Variants in RGS6 observed in about 807,000 individuals in gnomAD.
RGS6 encodes the protein regulator of G-protein signaling 6.
Under a neutral mutation model 78.5 loss-of-function variants are expected in RGS6, and 30 were observed. That is an observed-to-expected ratio of 0.38 (90% CI 0.29 to 0.52). The LOEUF is 0.52. Ranked by LOEUF, RGS6 falls within the 20% of genes least tolerant of loss-of-function variation. The probability of loss-of-function intolerance (pLI) is 0.85; values close to 1 mark genes in which losing one functional copy is unlikely to be tolerated. For missense variants in RGS6, 495 were observed against 609.7 expected (o/e 0.81, Z 1.98); for synonymous variants, 206 against 206.0 (o/e 1.00, Z 0.00).
intron 12 of RGS6, among the ~76,000 whole-genome samples, chr14:72,487,953 C>T (rs778520181): frequency 2.0e-5 from 3 of 152,146 alleles, no homozygotes; most frequent in Non-Finnish European, 2.9e-5. Context: ...CCGAGCACCC[C>T]GCTGACTAGG....
At chr14:72,528,533 G>T (rs965847237) in intron 15 of RGS6, among the ~76,000 whole-genome samples, 1 of 152,176 alleles carries the variant, frequency 6.6e-6, no homozygotes, top group Non-Finnish European at 1.5e-5. Flanking sequence ...TTTGGAGGAG[G>T]TGCCTCTCCA....
intron 13 of RGS6, among the ~76,000 whole-genome samples, chr14:72,499,645 T>G (rs2096693999): frequency 6.6e-6 from 1 of 152,116 alleles, no homozygotes; most frequent in African/African-American, 2.4e-5. Context: ...CTGTGTTTAG[T>G]TTTTTTGGGG....
At chr14:72,268,296 G>A (rs2059384906) in intron 2 of RGS6, among the ~76,000 whole-genome samples, 3 of 152,228 alleles carry the variant, frequency 2.0e-5, no homozygotes, top group Admixed American at 2.0e-4. Context: ...TTAAAGGTAT[G>A]GTATTGGGAG....
At chr14:72,253,183 A>G (rs1324367877) in intron 2 of RGS6, among the ~76,000 whole-genome samples, 1 of 152,268 alleles carries the variant, frequency 6.6e-6, no homozygotes, top group Non-Finnish European at 1.5e-5. Context: ...TGTAAGAGCC[A>G]TCATGTGACT....
chr14:71,950,243 T>C (rs1449566848), intron 1 of RGS6, among the ~76,000 whole-genome samples: 1 of 152,126 alleles, frequency 6.6e-6, no homozygotes, highest in African/African-American at 2.4e-5. Context: ...CATAGACCAA[T>C]GGAACAGAAT....
intron 12 of RGS6, among the ~76,000 whole-genome samples, chr14:72,485,359 T>C (rs2096467840): frequency 6.6e-6 from 1 of 152,200 alleles, no homozygotes; most frequent in South Asian, 2.1e-4. Flanking sequence ...TTCTTCTCCC[T>C]TTTTGCTTCT....
At chr14:71,899,608 A>T in the RGS6 span, among the ~76,000 whole-genome samples, 21 of 152,368 alleles carry the variant, frequency 1.4e-4, no homozygotes, top group African/African-American at 4.1e-4. Flanking sequence ...GGCCTAAACC[A>T]ATCAATATGT....
At chr14:72,285,775 C>G (rs1293979925) in intron 2 of RGS6, among the ~76,000 whole-genome samples, 1 of 152,076 alleles carries the variant, frequency 6.6e-6, no homozygotes, top group Non-Finnish European at 1.5e-5. Flanking sequence ...CAATGTTGAC[C>G]AACTTTTCAT....
chr14:72,455,968 T>C (rs1415514543), intron 4 of RGS6, among the ~76,000 whole-genome samples: 1 of 152,206 alleles, frequency 6.6e-6, no homozygotes, highest in Non-Finnish European at 1.5e-5. Flanking sequence ...ATTATTACTA[T>C]TATGAGAACC....
At chr14:71,928,543 T>C (rs531432385), upstream of RGS6, among the ~76,000 whole-genome samples, 1 of 152,304 alleles carries the variant, frequency 6.6e-6, no homozygotes, top group East Asian at 1.9e-4. Context: ...ACGCAATAGT[T>C]TTCTACCTTG....
chr14:72,119,872 C>G (rs1460756034), intron 2 of RGS6, among the ~76,000 whole-genome samples: 1 of 152,160 alleles, frequency 6.6e-6, no homozygotes, highest in Non-Finnish European at 1.5e-5. Context: ...AAAAGAAAAG[C>G]CTGAAACCTT....
chr14:72,232,354 G>A (rs989527017), intron 2 of RGS6, among the ~76,000 whole-genome samples: 1 of 152,220 alleles, frequency 6.6e-6, no homozygotes, highest in Admixed American at 6.5e-5. Flanking sequence ...GGGGTAGAAA[G>A]AGGAGCATTA....
intron 2 of RGS6, among the ~76,000 whole-genome samples, chr14:72,335,009 T>C (rs570355556): frequency 9.5e-4 from 145 of 152,158 alleles, no homozygotes; most frequent in Non-Finnish European, 1.8e-3. Flanking sequence ...TGGGAGGTAA[T>C]TGAATCATGG....
At chr14:72,147,257 C>T (rs1257029662) in intron 2 of RGS6, among the ~76,000 whole-genome samples, 1 of 152,220 alleles carries the variant, frequency 6.6e-6, no homozygotes, top group Non-Finnish European at 1.5e-5. Flanking sequence ...AAAGCTTCTT[C>T]CGTGTTTTCA....
intron 2 of RGS6, among the ~76,000 whole-genome samples, chr14:72,265,394 G>A (rs1446696064): frequency 6.6e-6 from 1 of 152,140 alleles, no homozygotes; most frequent in African/African-American, 2.4e-5. Flanking sequence ...CAGGCCTGGG[G>A]GTTAAATGGA....
At chr14:71,966,000 AAG>A (rs1468076509) in intron 2 of RGS6, among the ~76,000 whole-genome samples, 6 of 152,352 alleles carry the variant, frequency 3.9e-5, no homozygotes, top group African/African-American at 1.4e-4. Context: ...TATTTGGAAA[AAG>A]AATACATTTT....
At chr14:72,393,752 A>C (rs987883783) in intron 3 of RGS6, among the ~76,000 whole-genome samples, 1 of 151,958 alleles carries the variant, frequency 6.6e-6, no homozygotes, top group Non-Finnish European at 1.5e-5. Flanking sequence ...CAGCCTTAAC[A>C]CCTCCTGGAA....
At chr14:72,476,958 C>T in intron 11 of RGS6, 118 bp downstream of exon 11, 1 of 840,008 alleles carries the variant, frequency 1.2e-6, no homozygotes, top group Non-Finnish European at 1.9e-6. Flanking sequence ...ACAGTGGAAC[C>T]CAGCTGTGGG....
chr14:71,906,268 C>G, the RGS6 span, among the ~76,000 whole-genome samples: 10 of 152,318 alleles, frequency 6.6e-5, no homozygotes, highest in African/African-American at 2.2e-4. Flanking sequence ...TCCAAAGCAC[C>G]AGCTGCTGAA....
Sources: gnomAD v4.1 joint callset for allele counts (sites outside exome capture counted in the v4.1 genomes callset) on GRCh38, gnomAD v4.1.1 for gene constraint, MANE v1.5 for transcripts, NCBI Gene and HGNC (gene_info 2026-07-23, HGNC 2026-07-21) for gene names.